Variants in BRINP3 observed in about 807,000 individuals in gnomAD.
The protein encoded by BRINP3 is BMP/retinoic acid-inducible neural-specific protein 3.
A neutral mutation model predicts 71.0 loss-of-function variants in BRINP3; 19 were observed. The observed-to-expected ratio is 0.27, with a 90% CI of 0.19 to 0.39. BRINP3 has a LOEUF of 0.39. Among genes scored for constraint, BRINP3 ranks in the 10% least tolerant of loss-of-function variants. BRINP3 has a pLI of 1.00. For missense variants in BRINP3, 959 were observed against 940.8 expected (o/e 1.02, Z -0.25); for synonymous variants, 380 against 337.7 (o/e 1.13, Z -1.37).
chr1:190,114,407 T>C (rs1182932431), intron 7 of BRINP3, among the ~76,000 whole-genome samples: 1 of 152,130 alleles, frequency 6.6e-6, no homozygotes, highest in Non-Finnish European at 1.5e-5. Flanking sequence ...AAAAAATCAG[T>C]ACCTATAAAT....
At chr1:190,131,501 C>T (rs539202404) in intron 7 of BRINP3, among the ~76,000 whole-genome samples, 13 of 152,038 alleles carry the variant, frequency 8.6e-5, no homozygotes, top group Non-Finnish European at 1.9e-4. Flanking sequence ...CATTCTCACA[C>T]ATCCTTGTAG....
chr1:190,365,806 G>GTATATATA lies in BRINP3; in HGVS notation c.237-84064_237-84057dup, dbSNP rs66540359. 6.0e-3 allele frequency among the ~76,000 whole-genome samples: 766 copies of GTATATATA among 127,808 alleles called. 4 individuals carry two copies. The highest frequency in any genetic ancestry group is 0.017 in the African/African-American group (581 of 34,504). 83.8% of individuals were successfully genotyped at this position (127,808 alleles called of 152,430 possible). On this transcript the variant is annotated intron_variant, in intron 2 of 7. Transcript: ENST00000367462. ...CGAAGAGTACAATGAGAGAGCAAGT[G>GTATATATA]TATATATATATATATATATATATAT... is the stretch of plus-strand genomic sequence containing the variant.
intron 6 of BRINP3, among the ~76,000 whole-genome samples, chr1:190,180,972 A>C (rs1652980603): frequency 6.6e-6 from 1 of 152,086 alleles, no homozygotes; most frequent in African/African-American, 2.4e-5. Flanking sequence ...TTATGTGTAT[A>C]GTTATATACC....
At chr1:190,267,044 C>A (rs1247980070) in intron 3 of BRINP3, among the ~76,000 whole-genome samples, 1 of 152,016 alleles carries the variant, frequency 6.6e-6, no homozygotes, top group Non-Finnish European at 1.5e-5. Flanking sequence ...GATACAGGAG[C>A]AATAGACATA....
At chr1:190,274,824 T>C (rs1307352747) in intron 3 of BRINP3, among the ~76,000 whole-genome samples, 1 of 151,334 alleles carries the variant, frequency 6.6e-6, no homozygotes, top group Non-Finnish European at 1.5e-5. Flanking sequence ...TAGAAATAGA[T>C]ATACATAAGA....
chr1:190,287,731 C>A (rs1376893587), intron 2 of BRINP3, among the ~76,000 whole-genome samples: 2 of 152,070 alleles, frequency 1.3e-5, no homozygotes, highest in African/African-American at 4.8e-5. Context: ...TTAATTGTAG[C>A]TGTAACCTCA....
Position 190,317,969 on chromosome 1 carries a change from G to T in BRINP3, c.237-36219C>A, listed in dbSNP as rs111615175. 3.3e-3 allele frequency among the ~76,000 whole-genome samples: 495 copies of T among 152,162 alleles called. 5 individuals carry two copies. The highest frequency in any genetic ancestry group is 0.011 in the African/African-American group (468 of 41,538). On this transcript the variant is annotated intron_variant, in intron 2 of 7. Coordinates refer to ENST00000367462, the MANE Select transcript of BRINP3 (RefSeq NM_199051.3). ...CAAAATTCGTGTGTAAGCATAATCA[G>T]TTCCTGAGCACAAAAACTAGCATTT...
chr1:190,157,677 G>T (rs374226296), intron 7 of BRINP3, among the ~76,000 whole-genome samples: 2 of 152,088 alleles, frequency 1.3e-5, no homozygotes, highest in East Asian at 1.9e-4. Context: ...TCTTCACCCA[G>T]CCACATTTTC....
intron 6 of BRINP3, among the ~76,000 whole-genome samples, chr1:190,169,651 C>G (rs1475877068): frequency 6.6e-6 from 1 of 152,056 alleles, no homozygotes; most frequent in Non-Finnish European, 1.5e-5. Flanking sequence ...CTACTGTGTA[C>G]CAATCACTGT....
intron 6 of BRINP3, among the ~76,000 whole-genome samples, chr1:190,218,083 T>C (rs1656562707): frequency 6.6e-6 from 1 of 151,876 alleles, no homozygotes; most frequent in Non-Finnish European, 1.5e-5. Context: ...AATATAAATA[T>C]TGTAAGTGTA....
chr1:190,221,054 C>A (rs529888116), intron 6 of BRINP3, among the ~76,000 whole-genome samples: 8 of 152,208 alleles, frequency 5.3e-5, no homozygotes, highest in African/African-American at 1.9e-4. Flanking sequence ...CCTGTCTCTA[C>A]TACAAACACA....
intron 2 of BRINP3, among the ~76,000 whole-genome samples, chr1:190,360,455 T>G (rs1009369002): frequency 6.6e-6 from 1 of 152,182 alleles, no homozygotes; most frequent in Non-Finnish European, 1.5e-5. Context: ...AAAACAAGAC[T>G]GAGGTGTATC....
At chr1:190,446,261 A>G (rs978489447) in intron 2 of BRINP3, among the ~76,000 whole-genome samples, 1 of 152,086 alleles carries the variant, frequency 6.6e-6, no homozygotes, top group Non-Finnish European at 1.5e-5. Context: ...ACATATATTC[A>G]AATTATTTTG....
chr1:190,141,493 C>T (rs943788188), intron 7 of BRINP3, among the ~76,000 whole-genome samples: 1 of 150,356 alleles, frequency 6.7e-6, no homozygotes, highest in South Asian at 2.1e-4. Context: ...TAGAATATCA[C>T]TTAATATTTT....
chr1:190,418,073 C>T (rs1383160027), intron 2 of BRINP3, among the ~76,000 whole-genome samples: 1 of 152,062 alleles, frequency 6.6e-6, no homozygotes, highest in African/African-American at 2.4e-5. Context: ...TTAAGTATAC[C>T]TAATTCCTGA....
intron 6 of BRINP3, among the ~76,000 whole-genome samples, chr1:190,217,907 A>G (rs1229383140): frequency 6.6e-6 from 1 of 152,044 alleles, no homozygotes; most frequent in East Asian, 1.9e-4. Flanking sequence ...TGGTCAATGA[A>G]TGTTCCAGAT....
intron 2 of BRINP3, among the ~76,000 whole-genome samples, chr1:190,305,954 T>C (rs1359131469): frequency 6.6e-6 from 1 of 151,908 alleles, no homozygotes; most frequent in Non-Finnish European, 1.5e-5. Context: ...AAAAATATTT[T>C]ATACTATATG....
intron 1 of BRINP3, among the ~76,000 whole-genome samples, chr1:190,466,684 CA>C (rs1193304640): frequency 1.3e-5 from 2 of 151,530 alleles, no homozygotes; most frequent in African/African-American, 4.8e-5. Context: ...AGAAGTCATT[CA>C]ATTCACATGG....
At chr1:190,336,108 A>C (rs2103094924) in intron 2 of BRINP3, among the ~76,000 whole-genome samples, 1 of 152,118 alleles carries the variant, frequency 6.6e-6, no homozygotes, top group South Asian at 2.1e-4. Flanking sequence ...GGTTACAATA[A>C]GTCAGTATTA....
Sources: allele counts gnomAD v4.1 joint callset (sites outside exome capture counted in the v4.1 genomes callset), GRCh38; gene constraint gnomAD v4.1.1; transcripts MANE v1.5; gene names NCBI Gene and HGNC (gene_info 2026-07-23, HGNC 2026-07-21).